TRAPPC3L: variants seen among roughly 807,000 people sequenced by gnomAD.
TRAPPC3L encodes the protein trafficking protein particle complex subunit 3-like protein.
A neutral mutation model predicts 23.7 loss-of-function variants in TRAPPC3L; 23 were observed. The observed-to-expected ratio is 0.97, with a 90% CI of 0.70 to 1.37. The LOEUF (loss-of-function observed/expected upper bound fraction) is 1.37, where lower values mean the gene tolerates loss of function less well. Ranked by LOEUF, TRAPPC3L falls within the 40% of genes most tolerant of loss-of-function variation. The probability of loss-of-function intolerance (pLI) is 0.00; values close to 1 mark genes in which losing one functional copy is unlikely to be tolerated. For synonymous variants in TRAPPC3L, 81 were observed against 77.9 expected (o/e 1.04, Z -0.21); for missense variants, 212 against 216.8 (o/e 0.98, Z 0.14).
At chr6:116,525,947 G>C (rs1425575246) in intron 3 of TRAPPC3L, among the ~76,000 whole-genome samples, 2 of 152,104 alleles carry the variant, frequency 1.3e-5, no homozygotes, top group Non-Finnish European at 2.9e-5. Flanking sequence ...GGGTTTTGTT[G>C]GTATTTGTGT....
intron 1 of TRAPPC3L, chr6:116,543,909 G>T: frequency 1.4e-6 from 2 of 1,444,508 alleles, no homozygotes; most frequent in Non-Finnish European, 1.9e-6. Context: ...GAAAAAAGGG[G>T]AATGTGATAT....
intron 3 of TRAPPC3L, chr6:116,511,721 A>C (rs1359667669): frequency 6.2e-7 from 1 of 1,613,552 alleles, no homozygotes; most frequent in African/African-American, 1.3e-5. Flanking sequence ...GGGCATTTTA[A>C]AATTCTTCCT....
At chr6:116,540,588 G>T (rs1045323468) in intron 2 of TRAPPC3L, 126 bp from the exon 3 acceptor site, 2 of 894,518 alleles carry the variant, frequency 2.2e-6, no homozygotes, top group Admixed American at 2.5e-5. Flanking sequence ...CAAATATGAC[G>T]AGTCAAATGG....
chr6:116,507,244 A>T (rs1772022035), intron 3 of TRAPPC3L, among the ~76,000 whole-genome samples: 1 of 152,172 alleles, frequency 6.6e-6, no homozygotes, highest in African/African-American at 2.4e-5. Flanking sequence ...ACCCTGGACT[A>T]GAAGGGACCC....
intron 3 of TRAPPC3L, among the ~76,000 whole-genome samples, chr6:116,525,305 G>C (rs1393461725): frequency 6.6e-6 from 1 of 152,036 alleles, no homozygotes; most frequent in Non-Finnish European, 1.5e-5. Flanking sequence ...CCTCTGTCTG[G>C]GCCCCTGGAT....
At chr6:116,507,495 C>T (rs576470645) in intron 3 of TRAPPC3L, among the ~76,000 whole-genome samples, 17 of 152,222 alleles carry the variant, frequency 1.1e-4, no homozygotes, top group African/African-American at 4.1e-4. Context: ...CTCTCACTGT[C>T]CGTACTCCAT....
chr6:116,515,474 G>A (rs1215448165), intron 3 of TRAPPC3L: 2 of 1,024,500 alleles, frequency 2.0e-6, no homozygotes, highest in Admixed American at 2.5e-5. Flanking sequence ...AAATTAAGAT[G>A]AATGATTTCA....
chr6:116,515,786 A>T (rs1772212026), intron 3 of TRAPPC3L: 1 of 1,614,030 alleles, frequency 6.2e-7, no homozygotes. Flanking sequence ...GAGGAACCTG[A>T]AATGTTTTTT....
chr6:116,543,987 A>T (rs1773617219), intron 1 of TRAPPC3L: 6 of 892,404 alleles, frequency 6.7e-6, no homozygotes, highest in Admixed American at 5.7e-5. Flanking sequence ...AAAACTTAAG[A>T]CAATTTAGGT....
intron 3 of TRAPPC3L, among the ~76,000 whole-genome samples, chr6:116,513,891 A>G (rs1001510316): frequency 7.2e-5 from 11 of 152,178 alleles, no homozygotes; most frequent in African/African-American, 2.7e-4. Context: ...GATGCTACCA[A>G]TCACCAGCTA....
intron 3 of TRAPPC3L, among the ~76,000 whole-genome samples, chr6:116,509,730 A>G (rs1772073530): frequency 6.6e-6 from 1 of 152,234 alleles, no homozygotes; most frequent in Non-Finnish European, 1.5e-5. Flanking sequence ...TTTCTAGAAG[A>G]AAACGTAATA....
At chr6:116,526,481 T>C (rs892482485) in intron 3 of TRAPPC3L, among the ~76,000 whole-genome samples, 4 of 152,200 alleles carry the variant, frequency 2.6e-5, no homozygotes, top group African/African-American at 9.6e-5. Context: ...AAAGTTCTAA[T>C]GCCTGTGCCT....
In TRAPPC3L at chr6:116,545,508, G is replaced by A. The variant is rs1157989535; in HGVS notation, c.7C>T (p.Arg3Cys). 13 of 1,547,652 alleles carry A rather than the reference G, an allele frequency of 8.4e-6. No homozygotes were observed. The highest frequency in any genetic ancestry group is 2.5e-5 in the East Asian group (1 of 40,790). The change falls in exon 1 of 5, where the codon CGC (arginine) becomes TGC (cysteine). Residue 3 changes from arginine (R) to cysteine (C), a missense_variant. Arg to Cys is a radical substitution (Grantham distance 180). Transcript: ENST00000368602. ...TATTCTGGTCTTCGGTGTGCAGGGC[G>A]AGACATAGTGCTTGATAGATGAAGA... The part of the protein sequence containing the change: MS[R>C]PAHRRPEYHK...
At chr6:116,528,409 G>A (rs1340348145) in intron 3 of TRAPPC3L, among the ~76,000 whole-genome samples, 1 of 152,168 alleles carries the variant, frequency 6.6e-6, no homozygotes, top group Non-Finnish European at 1.5e-5. Flanking sequence ...TAGACCAAAT[G>A]GGTGAGTGAT....
chr6:116,541,525 A>G (rs923089335), intron 2 of TRAPPC3L, among the ~76,000 whole-genome samples: 16 of 152,174 alleles, frequency 1.1e-4, no homozygotes, highest in Non-Finnish European at 2.1e-4. Context: ...AGGGAGACGG[A>G]TTTGATGTGA....
At chr6:116,511,521 T>G in intron 3 of TRAPPC3L, 1 of 623,538 alleles carries the variant, frequency 1.6e-6, no homozygotes, top group Non-Finnish European at 2.7e-6. Flanking sequence ...GGAGGCATTA[T>G]CTAAACATGT....
At position 116,504,138 on chromosome 6, in the gene TRAPPC3L, C is replaced by T. The variant is rs58102509; in HGVS notation, c.241-3472G>A. Among the ~76,000 whole-genome samples the T allele has an allele frequency of 2.1e-3, 313 of 151,984 alleles. 1 individual carries two copies. Among genetic ancestry groups the T allele is most frequent in the African/African-American group, 7.4e-3 (305 of 41,436 alleles). ...CAAAATAGATCTACCGCTAGCACGA[C>T]TAATAAAGAAGAAAAGACAGAATCA... On this transcript the variant is annotated intron_variant, in intron 3 of 4. Transcript: ENST00000368602.
chr6:116,515,344 C>T (rs1772201832), intron 3 of TRAPPC3L, among the ~76,000 whole-genome samples: 1 of 152,118 alleles, frequency 6.6e-6, no homozygotes, highest in Non-Finnish European at 1.5e-5. Context: ...TTTCTATCTG[C>T]CTGCCTTCTG....
Position 116,543,359 on chromosome 6 carries a change from G to T in TRAPPC3L, c.84C>A (p.Ala28=). ...CCTTCTCATAATCCTTACACAGCTGGGCAACCAGAGCTCCATAGGTAAGGA... is the reference window on the plus strand; with the variant it reads ...CCTTCTCATAATCCTTACACAGCTGTGCAACCAGAGCTCCATAGGTAAGGA... The part of the protein sequence containing the change: ...LFVLTYGALV[A]QLCKDYEKDE... The change falls in exon 2 of 5, where the codon GCC becomes GCA. Residue 28 remains alanine, a synonymous_variant. Transcript: ENST00000368602. 6.5e-7 allele frequency: 1 copy of T among 1,549,856 alleles called. No individual in the cohort carries two copies. Among genetic ancestry groups the T allele is most frequent in the Non-Finnish European group, 8.7e-7 (1 of 1,145,702 alleles).
Sources: gnomAD v4.1 joint callset for allele counts (sites outside exome capture counted in the v4.1 genomes callset) on GRCh38, gnomAD v4.1.1 for gene constraint, MANE v1.5 for transcripts, NCBI Gene and HGNC (gene_info 2026-07-23, HGNC 2026-07-21) for gene names.